Variants in APBA1 observed in about 807,000 individuals in gnomAD.
The protein encoded by APBA1 is amyloid beta precursor protein binding family A member 1.
A neutral mutation model predicts 86.6 loss-of-function variants in APBA1; 55 were observed. The observed-to-expected ratio is 0.64, with a 90% confidence interval of 0.51 to 0.80. APBA1 has a LOEUF of 0.80. APBA1 is among the 30% of genes least tolerant of loss of function. APBA1 has a pLI of 0.00. For synonymous variants in APBA1, 511 were observed against 493.9 expected, an observed-to-expected ratio of 1.03 and a Z score of -0.46; for missense variants, 1,090 against 1,183.0, an observed-to-expected ratio of 0.92 and a Z score of 1.15.
chr9:69,455,675 A>G (rs1295521102), intron 8 of APBA1, among the ~76,000 whole-genome samples: 4 of 152,158 alleles, frequency 2.6e-5, no homozygotes, highest in Admixed American at 2.6e-4. Flanking sequence ...CCTGTAGCCC[A>G]GAGGATGGTC....
At chr9:69,521,772 A>G (rs1399013881) in intron 1 of APBA1, among the ~76,000 whole-genome samples, 2 of 152,264 alleles carry the variant, frequency 1.3e-5, no homozygotes, top group Admixed American at 6.5e-5. Flanking sequence ...CTTTGAGGTG[A>G]GAAAGGATCA....
At chr9:69,457,284 G>A in intron 6 of APBA1, 145 bp from the exon 7 acceptor site, 1 of 627,562 alleles carries the variant, frequency 1.6e-6, no homozygotes, top group Non-Finnish European at 2.9e-6. Flanking sequence ...TGCCAAAGCT[G>A]AAGTTACCAC....
intron 10 of APBA1, among the ~76,000 whole-genome samples, chr9:69,446,190 C>T (rs1026847892): frequency 2.0e-5 from 3 of 152,248 alleles, no homozygotes; most frequent in East Asian, 1.9e-4. Context: ...AAAGGTGATA[C>T]GACCCACTGA....
intron 1 of APBA1, among the ~76,000 whole-genome samples, chr9:69,563,167 G>A (rs969281952): frequency 6.6e-6 from 1 of 152,106 alleles, no homozygotes; most frequent in Non-Finnish European, 1.5e-5. Flanking sequence ...CTTAAATTTG[G>A]CAAAGTACTT....
intron 10 of APBA1, among the ~76,000 whole-genome samples, chr9:69,442,395 C>T (rs570246784): frequency 1.3e-5 from 2 of 151,872 alleles, no homozygotes; most frequent in East Asian, 3.9e-4. Context: ...ACTGGACTCC[C>T]ATCTATAAGG....
intron 1 of APBA1, among the ~76,000 whole-genome samples, chr9:69,643,055 C>A (rs1002697388): frequency 6.6e-6 from 1 of 151,934 alleles, no homozygotes; most frequent in South Asian, 2.1e-4. Context: ...CCTCCTCCCC[C>A]CTCCACACAC....
intron 3 of APBA1, among the ~76,000 whole-genome samples, chr9:69,474,104 C>T (rs1166442634): frequency 1.3e-5 from 2 of 152,074 alleles, no homozygotes; most frequent in Non-Finnish European, 2.9e-5. Context: ...AATAAAGTTG[C>T]ATTTAAAAAG....
At chr9:69,631,323 C>T (rs974033349) in intron 1 of APBA1, among the ~76,000 whole-genome samples, 3 of 152,122 alleles carry the variant, frequency 2.0e-5, no homozygotes, top group East Asian at 3.9e-4. Flanking sequence ...CATCACTGGC[C>T]ATCAGAGAAA....
intron 1 of APBA1, among the ~76,000 whole-genome samples, chr9:69,646,261 T>C (rs938342614): frequency 6.6e-6 from 1 of 152,222 alleles, no homozygotes; most frequent in African/African-American, 2.4e-5. Flanking sequence ...TAGTGGGTAA[T>C]GAGGAATTAC....
At chr9:69,565,839 A>C (rs1588367282) in intron 1 of APBA1, among the ~76,000 whole-genome samples, 2 of 152,052 alleles carry the variant, frequency 1.3e-5, no homozygotes, top group East Asian at 3.9e-4. Flanking sequence ...AATATTCTGC[A>C]CTCTGCAGCC....
At chr9:69,503,396 A>T (rs1385738305) in intron 2 of APBA1, among the ~76,000 whole-genome samples, 1 of 152,050 alleles carries the variant, frequency 6.6e-6, no homozygotes, top group East Asian at 1.9e-4. Flanking sequence ...CATAAATAGC[A>T]TGTTTATACT....
rs150127895 is a variant in APBA1, at chr9:69,643,685, C to T, written c.-70+28468G>A. Among the ~76,000 whole-genome samples the T allele has an allele frequency of 7.4e-3, 1,127 of 152,246 alleles. 16 individuals carry two copies. The highest frequency in any genetic ancestry group is 0.026 in the African/African-American group (1,078 of 41,530). On this transcript the variant is annotated intron_variant, in intron 1 of 12. Coordinates refer to ENST00000265381, the MANE Select transcript of APBA1 (RefSeq NM_001163.4). Reference sequence around the variant, plus strand: ...ATTCAAATTCTCAGGATAAAGAATCCGACGGATTCGTCTTGAGGTCCATTG... The same window carrying T: ...ATTCAAATTCTCAGGATAAAGAATCTGACGGATTCGTCTTGAGGTCCATTG...
intron 5 of APBA1, among the ~76,000 whole-genome samples, chr9:69,459,727 C>G (rs1479267997): frequency 6.6e-6 from 1 of 152,212 alleles, no homozygotes; most frequent in Non-Finnish European, 1.5e-5. Context: ...TTGAGGCAAG[C>G]CACTGAACAT....
chr9:69,670,105 G>A (rs1039678082), intron 1 of APBA1, among the ~76,000 whole-genome samples: 1 of 152,070 alleles, frequency 6.6e-6, no homozygotes, highest in Non-Finnish European at 1.5e-5. Context: ...TTAAATCTTG[G>A]ATGACAGCCA....
At chr9:69,551,377 C>T (rs185986053) in intron 1 of APBA1, among the ~76,000 whole-genome samples, 3 of 152,184 alleles carry the variant, frequency 2.0e-5, no homozygotes, top group Non-Finnish European at 4.4e-5. Context: ...CATGGTGAAA[C>T]CCTGTCTCTA....
chr9:69,484,937 T>C (rs945637750), intron 2 of APBA1, among the ~76,000 whole-genome samples: 7 of 152,068 alleles, frequency 4.6e-5, no homozygotes, highest in Non-Finnish European at 1.0e-4. Flanking sequence ...ATCCCTCTAG[T>C]GTTGTGTGTA....
chr9:69,492,806 C>A (rs1429928290), intron 2 of APBA1, among the ~76,000 whole-genome samples: 1 of 152,116 alleles, frequency 6.6e-6, no homozygotes, highest in African/African-American at 2.4e-5. Flanking sequence ...AATACCCCAG[C>A]AAGCCCTAGC....
At chr9:69,585,143 T>C (rs1821993695) in intron 1 of APBA1, among the ~76,000 whole-genome samples, 1 of 152,204 alleles carries the variant, frequency 6.6e-6, no homozygotes, top group African/African-American at 2.4e-5. Context: ...ACAATCCTTT[T>C]AGGTGATATA....
rs746339780 is a variant in APBA1 at position 69,457,189 on chromosome 9, C to G, written c.1516-50G>C. 9.1e-6 allele frequency: 13 copies of G among 1,424,550 alleles called. No homozygotes were observed. In the South Asian group the frequency reaches 1.3e-4, roughly 14 times the overall value. The allele number at this position is 1,424,550 out of a possible 1,614,324, so 88.2% of individuals were successfully genotyped here. ...GAAAGTTTGACCACACTACCCTGAC[C>G]CAGATGCAGAAGGAGTAAGGTTAGC... On this transcript the variant is annotated intron_variant, in intron 6 of 12. Coordinates refer to ENST00000265381, the MANE Select transcript of APBA1 (RefSeq NM_001163.4).
Sources: allele counts gnomAD v4.1 joint callset (sites outside exome capture counted in the v4.1 genomes callset), GRCh38; gene constraint gnomAD v4.1.1; transcripts MANE v1.5; gene names NCBI Gene and HGNC (gene_info 2026-07-23, HGNC 2026-07-21).